Variants in SH3GL2 observed in about 807,000 individuals in gnomAD.
SH3GL2 encodes the protein endophilin-A1.
In SH3GL2, 24 loss-of-function variants were observed where a neutral mutation model predicts 46.0. The ratio of observed to expected loss-of-function variants is 0.52; its 90% CI spans 0.38 to 0.73. The LOEUF (loss-of-function observed/expected upper bound fraction) is 0.73. Ranked by LOEUF, SH3GL2 falls within the 30% of genes least tolerant of loss-of-function variation. The pLI, the probability that SH3GL2 is intolerant of heterozygous loss-of-function variation, is 0.00. For missense variants in SH3GL2, 413 were observed against 424.2 expected, an observed-to-expected ratio of 0.97 and a Z score of 0.23; for synonymous variants, 196 against 147.1, an observed-to-expected ratio of 1.33 and a Z score of -2.40.
At chr9:17,591,262 T>C (rs1818477130) in intron 1 of SH3GL2, 1 of 152,190 alleles carries the variant, frequency 6.6e-6, no homozygotes, top group Non-Finnish European at 1.5e-5. Context: ...TGTGAAACAG[T>C]GAGTTATACT....
At chr9:17,585,911 C>T (rs1443453394) in intron 1 of SH3GL2, among the ~76,000 whole-genome samples, 1 of 152,132 alleles carries the variant, frequency 6.6e-6, no homozygotes, top group Non-Finnish European at 1.5e-5. Flanking sequence ...CAACCCTTCT[C>T]AGTGTTTTTG....
At chr9:17,767,608 G>A (rs1563846124) in intron 3 of SH3GL2, among the ~76,000 whole-genome samples, 1 of 152,200 alleles carries the variant, frequency 6.6e-6, no homozygotes, top group African/African-American at 2.4e-5. Context: ...TTAGCATTAT[G>A]CCTGGTACAT....
At chr9:17,645,629 GA>G (rs1819796653) in intron 1 of SH3GL2, among the ~76,000 whole-genome samples, 1 of 152,092 alleles carries the variant, frequency 6.6e-6, no homozygotes, top group African/African-American at 2.4e-5. Flanking sequence ...CTTCATTTAT[GA>G]AGTTTAGTTT....
At chr9:17,757,643 T>G (rs911058202) in intron 2 of SH3GL2, among the ~76,000 whole-genome samples, 3 of 152,186 alleles carry the variant, frequency 2.0e-5, no homozygotes, top group East Asian at 1.9e-4. Context: ...TACTTTCAAA[T>G]AGTAATTGGA....
At chr9:17,603,024 G>T (rs1263973953) in intron 1 of SH3GL2, among the ~76,000 whole-genome samples, 1 of 152,202 alleles carries the variant, frequency 6.6e-6, no homozygotes, top group Non-Finnish European at 1.5e-5. Context: ...GCCCAGTCAT[G>T]GAACAGTGCT....
intron 1 of SH3GL2, among the ~76,000 whole-genome samples, chr9:17,693,861 T>C (rs1292232738): frequency 1.3e-5 from 2 of 152,188 alleles, no homozygotes; most frequent in Non-Finnish European, 2.9e-5. Context: ...ACCACCCCTG[T>C]CTTGGTTAGA....
chr9:17,665,129 C>T (rs1449779503), intron 1 of SH3GL2, among the ~76,000 whole-genome samples: 1 of 152,122 alleles, frequency 6.6e-6, no homozygotes, highest in Non-Finnish European at 1.5e-5. Context: ...TTTCTCTGAA[C>T]CGTTTAAGAG....
intron 1 of SH3GL2, among the ~76,000 whole-genome samples, chr9:17,666,570 GTGTGTGTGTA>G (rs1258823552): frequency 5.0e-5 from 7 of 138,966 alleles, no homozygotes; most frequent in Admixed American, 2.9e-4. Flanking sequence ...GTGTGTGTGT[GTGTGTGTGTA>G]TATACATTAA....
chr9:17,593,613 T>G (rs991076508), intron 1 of SH3GL2, among the ~76,000 whole-genome samples: 20 of 152,156 alleles, frequency 1.3e-4, no homozygotes, highest in African/African-American at 4.6e-4. Context: ...ATAATTTGAC[T>G]ATGGAAATGG....
chr9:17,761,312 C>T lies in SH3GL2; in HGVS notation c.115-125C>T. The stretch of plus-strand genomic sequence containing the variant: ...CTTCCAGCCGCGTCTCAGCCTCCCT[C>T]ACCTACTGCGGGACTTGTCCGGGGC... On this transcript the variant is annotated intron_variant, in intron 2 of 8. Coordinates refer to ENST00000380607, the MANE Select transcript of SH3GL2 (RefSeq NM_003026.5). 3 of 682,436 alleles carry T rather than the reference C, an allele frequency of 4.4e-6. No homozygotes were observed. In the Admixed American group the frequency reaches 6.3e-5, roughly 14 times the overall value. The allele number at this position is 682,436 out of a possible 1,614,324, so 42.3% of individuals were successfully genotyped here. A position where few individuals can be genotyped will look rare whatever the true frequency, so the allele number is the denominator to read the frequency against.
In SH3GL2 at chr9:17,719,198, C is replaced by A. The variant is rs142873434; in HGVS notation, c.46-27868C>A. Among the ~76,000 whole-genome samples, 48 of 152,230 alleles carry A rather than the reference C, an allele frequency of 3.2e-4. 1 individual carries two copies. In the East Asian group the frequency reaches 8.7e-3, roughly 28 times the overall value. On this transcript the variant is annotated intron_variant, in intron 1 of 8. Transcript: ENST00000380607. ...GTCAAGTGCCTTGCAGTAGTCATAG[C>A]AAATACTACTTAGTCCTCTCTTAGC...
chr9:17,612,060 C>T (rs1320252627), intron 1 of SH3GL2, among the ~76,000 whole-genome samples: 1 of 152,086 alleles, frequency 6.6e-6, no homozygotes. Flanking sequence ...GAGGAGGTGC[C>T]TGGGGGAAGG....
At chr9:17,612,170 T>C (rs1256432199) in intron 1 of SH3GL2, among the ~76,000 whole-genome samples, 2 of 152,008 alleles carry the variant, frequency 1.3e-5, no homozygotes, top group Non-Finnish European at 2.9e-5. Context: ...CTGTCCTCTC[T>C]CTCTAGTTCT....
chr9:17,633,320 T>G (rs367718574), intron 1 of SH3GL2, among the ~76,000 whole-genome samples: 2 of 152,298 alleles, frequency 1.3e-5, no homozygotes, highest in South Asian at 2.1e-4. Context: ...TCCATTGATG[T>G]GCACATCCAT....
At chr9:17,670,327 G>A (rs1354919030) in intron 1 of SH3GL2, among the ~76,000 whole-genome samples, 3 of 152,114 alleles carry the variant, frequency 2.0e-5, no homozygotes, top group Non-Finnish European at 4.4e-5. Context: ...AATTTCTTGG[G>A]CTGCTTTTTG....
chr9:17,685,900 A>C (rs1820894087), intron 1 of SH3GL2, among the ~76,000 whole-genome samples: 1 of 151,982 alleles, frequency 6.6e-6, no homozygotes, highest in African/African-American at 2.4e-5. Context: ...TTCATGTCTA[A>C]AACACCAAAA....
chr9:17,731,849 C>CT (rs1426481935), intron 1 of SH3GL2, among the ~76,000 whole-genome samples: 1 of 152,136 alleles, frequency 6.6e-6, no homozygotes, highest in Non-Finnish European at 1.5e-5. Flanking sequence ...AGGAGCTATG[C>CT]TTTCCCTATT....
At position 17,691,678 on chromosome 9, in the gene SH3GL2, A is replaced by T. The variant is rs540565464; in HGVS notation, c.46-55388A>T. On this transcript the variant is annotated intron_variant, in intron 1 of 8. Transcript: ENST00000380607. ...CTCTCAAAAAATTGATGGGATTTGC[A>T]GTCAGAGAAGATTTTACACTAACAT... Among the ~76,000 whole-genome samples the T allele has an allele frequency of 2.0e-5, 3 of 152,308 alleles. No individual in the cohort carries two copies. In the South Asian group the frequency reaches 6.2e-4, roughly 32 times the overall value.
chr9:17,713,596 A>G (rs576397746), intron 1 of SH3GL2, among the ~76,000 whole-genome samples: 1 of 151,522 alleles, frequency 6.6e-6, no homozygotes. Context: ...ATTTTCATTC[A>G]GCTCAAAATG....
Sources: allele counts gnomAD v4.1 joint callset (sites outside exome capture counted in the v4.1 genomes callset), GRCh38; gene constraint gnomAD v4.1.1; transcripts MANE v1.5; gene names NCBI Gene and HGNC (gene_info 2026-07-23, HGNC 2026-07-21).